CADPS2: variants seen among roughly 807,000 people sequenced by gnomAD.
CADPS2 encodes calcium-dependent secretion activator 2.
A neutral mutation model predicts 172.5 loss-of-function variants in CADPS2; 93 were observed. That is an observed-to-expected ratio of 0.54 (90% confidence interval 0.46 to 0.64). The LOEUF (loss-of-function observed/expected upper bound fraction) is 0.64. Among genes scored for constraint, CADPS2 ranks in the 30% least tolerant of loss-of-function variants. The pLI, the probability that CADPS2 is intolerant of heterozygous loss-of-function variation, is 0.00. For missense variants in CADPS2, 1,420 were observed against 1,565.9 expected (o/e 0.91, Z 1.57); for synonymous variants, 546 against 555.2 (o/e 0.98, Z 0.23).
intron 17 of CADPS2, among the ~76,000 whole-genome samples, chr7:122,428,706 T>C (rs1479144626): frequency 6.6e-6 from 1 of 152,022 alleles, no homozygotes; most frequent in Non-Finnish European, 1.5e-5. Flanking sequence ...TGACCTCAGG[T>C]GATCCGCCCA....
At chr7:122,868,741 T>C (rs779586764) in intron 1 of CADPS2, among the ~76,000 whole-genome samples, 2 of 152,146 alleles carry the variant, frequency 1.3e-5, no homozygotes, top group African/African-American at 2.4e-5. Flanking sequence ...TGCTAATGAA[T>C]GGAGATATGT....
chr7:122,697,812 C>T (rs1173895802), intron 2 of CADPS2: 8 of 1,590,212 alleles, frequency 5.0e-6, no homozygotes, highest in African/African-American at 1.4e-5. Flanking sequence ...GAACATCTTC[C>T]ACTACTGAAT....
In CADPS2 at chr7:122,770,874, C is replaced by T. The variant is rs561494367; in HGVS notation, c.340-33806G>A. 3.3e-5 allele frequency among the ~76,000 whole-genome samples: 5 copies of T among 152,258 alleles called. No homozygotes were observed. The South Asian group carries it at 6.2e-4, about 19-fold the overall frequency. On this transcript the variant is annotated intron_variant, in intron 1 of 29. Transcript: ENST00000449022. Reference sequence around the variant, plus strand: ...CAACTAGGACAAAAGGGCTTTAAGGCGTCAAGTGACGAAGCAGGTCTCAGC... The same window carrying T: ...CAACTAGGACAAAAGGGCTTTAAGGTGTCAAGTGACGAAGCAGGTCTCAGC...
intron 1 of CADPS2, among the ~76,000 whole-genome samples, chr7:122,829,690 T>C (rs1200018157): frequency 1.3e-5 from 2 of 152,202 alleles, no homozygotes; most frequent in Admixed American, 6.5e-5. Flanking sequence ...AAGTGTGTTT[T>C]AGAACCACTG....
intron 13 of CADPS2, among the ~76,000 whole-genome samples, 173 bp from the exon 14 acceptor site, chr7:122,471,735 T>C (rs2055976702): frequency 2.0e-5 from 3 of 152,170 alleles, no homozygotes; most frequent in Admixed American, 6.5e-5. Context: ...TGAAACTGAT[T>C]TGGGACACTG....
chr7:122,817,779 C>T (rs1467929400), intron 1 of CADPS2, among the ~76,000 whole-genome samples: 1 of 151,990 alleles, frequency 6.6e-6, no homozygotes, highest in Non-Finnish European at 1.5e-5. Flanking sequence ...GGGCAATTAC[C>T]CCAACCTCGT....
chr7:122,832,017 G>C (rs1172758912), intron 1 of CADPS2, among the ~76,000 whole-genome samples: 1 of 152,022 alleles, frequency 6.6e-6, no homozygotes, highest in African/African-American at 2.4e-5. Flanking sequence ...GTATAGTTAT[G>C]GTTTATGTAC....
At chr7:122,416,245 A>G in intron 17 of CADPS2, 81 bp from the exon 18 acceptor site, 1 of 616,716 alleles carries the variant, frequency 1.6e-6, no homozygotes, top group Non-Finnish European at 2.7e-6. Flanking sequence ...TGAGACTAGA[A>G]TGTTGAAATA....
intron 6 of CADPS2, among the ~76,000 whole-genome samples, chr7:122,590,113 T>G (rs1041592891): frequency 5.9e-5 from 9 of 151,688 alleles, no homozygotes; most frequent in African/African-American, 2.2e-4. Context: ...TACCCTAAAA[T>G]TCATAAGGAA....
intron 1 of CADPS2, among the ~76,000 whole-genome samples, chr7:122,785,648 T>C (rs1360356953): frequency 1.3e-5 from 2 of 152,174 alleles, no homozygotes; most frequent in Non-Finnish European, 2.9e-5. Context: ...AGGACATGGA[T>C]AATCCTATCT....
intron 8 of CADPS2, among the ~76,000 whole-genome samples, chr7:122,551,307 C>T (rs968397678): frequency 2.0e-5 from 3 of 151,958 alleles, no homozygotes; most frequent in Non-Finnish European, 4.4e-5. Flanking sequence ...TCCCTTAATA[C>T]TCTAGGGAGC....
chr7:122,638,435 G>A (rs1267431980), intron 3 of CADPS2, among the ~76,000 whole-genome samples: 1 of 152,160 alleles, frequency 6.6e-6, no homozygotes, highest in Non-Finnish European at 1.5e-5. Context: ...AGTGCTTCCT[G>A]GGGGAACACA....
At chr7:122,827,563 C>T (rs1805287152) in intron 1 of CADPS2, among the ~76,000 whole-genome samples, 1 of 150,638 alleles carries the variant, frequency 6.6e-6, no homozygotes, top group African/African-American at 2.4e-5. Context: ...ACCTGGGAGG[C>T]GGAGGTTCTG....
chr7:122,390,949 A>G (rs2151470270), intron 22 of CADPS2, among the ~76,000 whole-genome samples: 1 of 152,152 alleles, frequency 6.6e-6, no homozygotes, highest in South Asian at 2.1e-4. Flanking sequence ...AAACAGAATA[A>G]AGATTTATAT....
chr7:122,663,947 G>A (rs2080894886), intron 2 of CADPS2, among the ~76,000 whole-genome samples: 1 of 151,400 alleles, frequency 6.6e-6, no homozygotes, highest in Admixed American at 6.6e-5. Flanking sequence ...AGAGTGAAAG[G>A]ACAGCTGTCT....
chr7:122,706,073 A>G (rs2087371879), intron 2 of CADPS2, among the ~76,000 whole-genome samples: 1 of 97,686 alleles, frequency 1.0e-5, no homozygotes, highest in African/African-American at 4.1e-5. Flanking sequence ...GAATATATAT[A>G]TGTTTATATA....
chr7:122,544,849 T>C (rs1261962297), intron 8 of CADPS2, among the ~76,000 whole-genome samples: 5 of 152,178 alleles, frequency 3.3e-5, no homozygotes, highest in East Asian at 1.9e-4. Context: ...GTTCTATTTA[T>C]GTGATCAACC....
At chr7:122,535,769 C>T (rs549180217) in intron 8 of CADPS2, among the ~76,000 whole-genome samples, 32 of 152,202 alleles carry the variant, frequency 2.1e-4, no homozygotes, top group African/African-American at 7.0e-4. Flanking sequence ...GGATGATATA[C>T]TGAGCCCCAC....
At chr7:122,503,971 A>G (rs1191872829) in intron 9 of CADPS2, among the ~76,000 whole-genome samples, 1 of 152,202 alleles carries the variant, frequency 6.6e-6, no homozygotes, top group Non-Finnish European at 1.5e-5. Context: ...TGTGGTCAGA[A>G]AGGCCTCTCT....
Sources: gnomAD v4.1 joint callset for allele counts (sites outside exome capture counted in the v4.1 genomes callset) on GRCh38, gnomAD v4.1.1 for gene constraint, MANE v1.5 for transcripts, NCBI Gene and HGNC (gene_info 2026-07-23, HGNC 2026-07-21) for gene names.